RASA3: variants seen among roughly 807,000 people sequenced by gnomAD.
The protein encoded by RASA3 is RAS p21 protein activator 3.
A neutral mutation model predicts 110.0 loss-of-function variants in RASA3; 73 were observed. The observed-to-expected ratio is 0.66, with a 90% CI of 0.55 to 0.81. The LOEUF (loss-of-function observed/expected upper bound fraction) is 0.81. Among genes scored for constraint, RASA3 ranks in the 30% least tolerant of loss-of-function variants. The probability of loss-of-function intolerance (pLI) is 0.00; values close to 1 mark genes in which losing one functional copy is unlikely to be tolerated. For missense variants in RASA3, 976 were observed against 1,113.2 expected, an observed-to-expected ratio of 0.88 and a Z score of 1.75; for synonymous variants, 500 against 451.4, an observed-to-expected ratio of 1.11 and a Z score of -1.37.
intron 2 of RASA3, among the ~76,000 whole-genome samples, chr13:114,055,388 G>A (rs982738444): frequency 4.6e-5 from 7 of 152,200 alleles, no homozygotes; most frequent in African/African-American, 1.7e-4. Context: ...CAGGATCTCG[G>A]GGCAGGACGC....
chr13:114,018,884 C>T lies in RASA3; in HGVS notation c.821G>A (p.Ser274Asn), dbSNP rs779844203. 9 of 1,613,888 alleles carry T rather than the reference C, an allele frequency of 5.6e-6. No individual in the cohort carries two copies. The highest frequency in any genetic ancestry group is 7.6e-6 in the Non-Finnish European group (9 of 1,179,966). The change falls in exon 10 of 24, where the codon AGC becomes AAC. Residue 274 changes from serine (S) to asparagine (N), a missense_variant. Physicochemically the swap from Ser to Asn is conservative, Grantham distance 46. Coordinates refer to ENST00000334062, the MANE Select transcript of RASA3 (RefSeq NM_007368.4). ...FLQPRDNGSK[S>N]LKPDDLGSLR... ...GGAGCCCAGGTCGTCTGGCTTTAGG[C>T]TCTTGCTACCATTGTCCCGGGGCTG...
At chr13:114,119,058 G>C (rs34952193) in intron 1 of RASA3, among the ~76,000 whole-genome samples, 240 of 101,728 alleles carry the variant, frequency 2.4e-3, no homozygotes, top group Admixed American at 3.3e-3. Flanking sequence ...TCCACCCCCC[G>C]CTTTCCTCCT....
rs1011757078 is a variant in RASA3, at chr13:114,014,495, G to T, written c.1405+714C>A. ...TGTCTGCAGCTGTCCCGAGGCCACA[G>T]GACACGCAAGGAAGAGAGGAGCCGG... On this transcript the variant is annotated intron_variant, in intron 14 of 23. Transcript: ENST00000334062. This position sits in a 1 kb window ranked among gnomAD's most constrained non-coding sequence, Gnocchi z 4.5. Among the ~76,000 whole-genome samples, 1 of 152,188 alleles carries T rather than the reference G, an allele frequency of 6.6e-6. No homozygotes were observed. The highest frequency in any genetic ancestry group is 1.5e-5 in the Non-Finnish European group (1 of 68,028).
At chr13:114,026,214 T>C (rs2054022800) in intron 7 of RASA3, among the ~76,000 whole-genome samples, 1 of 152,208 alleles carries the variant, frequency 6.6e-6, no homozygotes, top group Admixed American at 6.5e-5. Context: ...GGGCGAGCTC[T>C]ACCCCACTGT....
At chr13:114,051,744 G>A (rs1205787438) in intron 3 of RASA3, among the ~76,000 whole-genome samples, 1 of 151,270 alleles carries the variant, frequency 6.6e-6, no homozygotes, top group South Asian at 2.1e-4. Flanking sequence ...CCCCACAGAT[G>A]CCCCGGGGAA....
rs756138715 is a variant in RASA3, at chr13:113,992,618, A to G, written c.2142-30T>C. ...CCAGACACAGCAAGAACAGAAAGAT[A>G]AAAACACTTATTTAAACGATGCTTT... On this transcript the variant is annotated intron_variant, in intron 21 of 23. Coordinates refer to ENST00000334062, the MANE Select transcript of RASA3 (RefSeq NM_007368.4). The G allele has an allele frequency of 2.7e-5, 40 of 1,493,812 alleles. 1 individual carries two copies. Among genetic ancestry groups the G allele is most frequent in the Non-Finnish European group, 3.6e-5 (39 of 1,074,826 alleles). The allele number at this position is 1,493,812 out of a possible 1,614,324, so 92.5% of individuals were successfully genotyped here.
chr13:114,073,413 C>T (rs61973924), intron 2 of RASA3, among the ~76,000 whole-genome samples: 12,924 of 134,978 alleles, frequency 0.096, 517 homozygotes, highest in Middle Eastern at 0.15. Context: ...CGTACACGCT[C>T]GGGACATTGT....
At chr13:114,058,788 C>T (rs1216576227) in intron 2 of RASA3, among the ~76,000 whole-genome samples, 1 of 152,252 alleles carries the variant, frequency 6.6e-6, no homozygotes, top group Non-Finnish European at 1.5e-5. Context: ...AGCTGCTCTT[C>T]TCCTGAGCCC....
At chr13:114,019,657 G>A (rs559270576) in intron 9 of RASA3, among the ~76,000 whole-genome samples, 32 of 151,300 alleles carry the variant, frequency 2.1e-4, no homozygotes, top group African/African-American at 7.3e-4. Context: ...TGTGTCCGAG[G>A]CATTAGATCC....
At chr13:114,064,503 G>A (rs2079413276) in intron 2 of RASA3, among the ~76,000 whole-genome samples, 1 of 152,154 alleles carries the variant, frequency 6.6e-6, no homozygotes, top group Non-Finnish European at 1.5e-5. Context: ...CGCTGTCCGT[G>A]GGTCTCATGG....
At chr13:114,108,243 ATG>A (rs1188941004) in intron 1 of RASA3, among the ~76,000 whole-genome samples, 7 of 19,568 alleles carry the variant, frequency 3.6e-4, no homozygotes, top group South Asian at 3.7e-3. Flanking sequence ...CTGTCACCCC[ATG>A]TCTGTCACCC....
chr13:114,062,982 T>C (rs1417839986), intron 2 of RASA3, among the ~76,000 whole-genome samples: 4 of 152,208 alleles, frequency 2.6e-5, no homozygotes, highest in Non-Finnish European at 5.9e-5. Flanking sequence ...CGGGGACCCG[T>C]GTCTGCCGCC....
chr13:114,030,514 A>ACAGGAGGCAAGACTCATG (rs2054139797), intron 4 of RASA3, among the ~76,000 whole-genome samples: 2 of 104,216 alleles, frequency 1.9e-5, no homozygotes, highest in African/African-American at 7.3e-5. Context: ...CAAGACTCAC[A>ACAGGAGGCAAGACTCATG]CAGAGAGCAA....
chr13:114,132,543 A>G lies in RASA3; in HGVS notation c.-54T>C, dbSNP rs1016969601. 1 of 1,349,522 alleles carries G rather than the reference A, an allele frequency of 7.4e-7. No individual in the cohort carries two copies. Among genetic ancestry groups the G allele is most frequent in the African/African-American group, 1.5e-5 (1 of 66,166 alleles). 83.6% of individuals were successfully genotyped at this position (1,349,522 alleles called of 1,614,324 possible). A position where few individuals can be genotyped will look rare whatever the true frequency, so the allele number is the denominator to read the frequency against. ...CCCCAAGCGCGCGCCGAGCCCGGGC[A>G]GCTCAGGCCGAGCAGGAGGAGCGGC... On this transcript the variant is annotated 5_prime_UTR_variant, in exon 1 of 24. Transcript: ENST00000334062.
intron 1 of RASA3, among the ~76,000 whole-genome samples, chr13:114,088,384 C>T (rs1184093519): frequency 6.6e-6 from 1 of 152,116 alleles, no homozygotes; most frequent in East Asian, 1.9e-4. Context: ...CCCTGGAGCT[C>T]CCAGCCATTT....
chr13:114,052,182 T>G lies in RASA3; in HGVS notation c.174-27A>C, dbSNP rs746743044. 6.5e-6 allele frequency: 10 copies of G among 1,533,634 alleles called. No homozygotes were observed. The African/African-American group carries it at 1.1e-4, about 17-fold the overall frequency. ...TAGTGAGACAAAGAAAAGCGCCAGTTAGAACACAGGCCACGCTTGCGCCTC... is the reference window on the plus strand; with the variant it reads ...TAGTGAGACAAAGAAAAGCGCCAGTGAGAACACAGGCCACGCTTGCGCCTC... On this transcript the variant is annotated intron_variant, in intron 2 of 23. Transcript: ENST00000334062.
intron 4 of RASA3, among the ~76,000 whole-genome samples, chr13:114,031,384 T>C (rs2054165469): frequency 2.0e-5 from 3 of 151,758 alleles, no homozygotes; most frequent in Admixed American, 2.0e-4. Context: ...TGTGCATGTC[T>C]GTCTGTGTGC....
intron 1 of RASA3, among the ~76,000 whole-genome samples, chr13:114,087,594 G>C (rs919057320): frequency 6.6e-6 from 1 of 152,246 alleles, no homozygotes; most frequent in African/African-American, 2.4e-5. Flanking sequence ...CCTCTGGAGG[G>C]AGGGCCCCGG....
chr13:114,027,754 C>T, intron 6 of RASA3, 93 bp downstream of exon 6: 4 of 1,305,882 alleles, frequency 3.1e-6, no homozygotes, highest in Non-Finnish European at 3.3e-6. Context: ...AACCTCCTGA[C>T]TCCTCCCAAA....
Sources: allele counts gnomAD v4.1 joint callset (sites outside exome capture counted in the v4.1 genomes callset), GRCh38; gene constraint gnomAD v4.1.1; non-coding constraint Gnocchi (gnomAD v3.1); transcripts MANE v1.5; gene names NCBI Gene and HGNC (gene_info 2026-07-23, HGNC 2026-07-21).